Variants in COL12A1 observed in about 807,000 individuals in gnomAD.
COL12A1 encodes the protein collagen type XII alpha 1 chain, also known as collagen alpha-1(XII) chain.
A neutral mutation model predicts 349.7 loss-of-function variants in COL12A1; 114 were observed. The ratio of observed to expected loss-of-function variants is 0.33; its 90% CI spans 0.28 to 0.38. The LOEUF (loss-of-function observed/expected upper bound fraction) is 0.38, where lower values mean the gene tolerates loss of function less well. Ranked by LOEUF, COL12A1 falls within the 10% of genes least tolerant of loss-of-function variation. The pLI is 1.00. For synonymous variants in COL12A1, 1,369 were observed against 1,329.0 expected, an observed-to-expected ratio of 1.03 and a Z score of -0.66; for missense variants, 3,284 against 3,756.9, an observed-to-expected ratio of 0.87 and a Z score of 3.29.
intron 58 of COL12A1, among the ~76,000 whole-genome samples, chr6:75,097,712 A>T (rs977273356): frequency 2.6e-5 from 4 of 152,210 alleles, no homozygotes; most frequent in Admixed American, 6.5e-5. Flanking sequence ...CTGGCCCAGG[A>T]AGGATGCAGG....
At chr6:75,189,497 T>A in intron 6 of COL12A1, 55 bp downstream of exon 6, 2 of 1,583,898 alleles carry the variant, frequency 1.3e-6, no homozygotes, top group Non-Finnish European at 1.7e-6. Context: ...CATCATTTCT[T>A]TCTGAAACAG....
At chr6:75,171,065 T>C (rs554345650) in intron 13 of COL12A1, among the ~76,000 whole-genome samples, 1 of 152,358 alleles carries the variant, frequency 6.6e-6, no homozygotes, top group African/African-American at 2.4e-5. Flanking sequence ...TGAATTAAAA[T>C]GGGCAGTATT....
intron 5 of COL12A1, 78 bp from the exon 6 acceptor site, chr6:75,189,893 T>C: frequency 6.7e-7 from 1 of 1,497,826 alleles, no homozygotes; most frequent in Non-Finnish European, 9.1e-7. Flanking sequence ...TGCAAAAATG[T>C]TGGCTCCTTA....
rs1221480050 is a variant in COL12A1 at position 75,115,814 on chromosome 6, T to C, written c.7667A>G (p.Gln2556Arg). 6.2e-7 allele frequency: 1 copy of C among 1,613,124 alleles called. No individual in the cohort carries two copies. Among genetic ancestry groups the C allele is most frequent in the South Asian group, 1.1e-5 (1 of 90,938 alleles). The part of the protein sequence containing the change: ...SFPSYSAYRI[Q>R]KNAFVNQPTA... ...AGGCTGATTCACAAACGCATTCTTC[T>C]GAATCCTGTATGCTGAGTAGCTGGG... Residue 2556 changes from glutamine to arginine, a missense_variant, in exon 49 of 66, where the codon CAG becomes CGG. Physicochemically the swap from Gln to Arg is conservative, Grantham distance 43. Around this residue, in one of 2 missense-constraint regions of COL12A1, gnomAD observed 683 missense variants for 932.1 expected, o/e 0.73. Coordinates refer to ENST00000322507, the MANE Select transcript of COL12A1 (RefSeq NM_004370.6).
At chr6:75,110,828 A>G (rs1022159209) in intron 51 of COL12A1, among the ~76,000 whole-genome samples, 8 of 152,140 alleles carry the variant, frequency 5.3e-5, no homozygotes, top group Non-Finnish European at 8.8e-5. Context: ...GAAAAACTTC[A>G]ATTCAGGAAT....
intron 59 of COL12A1, 104 bp from the exon 60 acceptor site, chr6:75,095,283 A>C: frequency 1.2e-6 from 1 of 812,036 alleles, no homozygotes; most frequent in Non-Finnish European, 2.0e-6. Context: ...GAAACAACTC[A>C]TAATTACACA....
Position 75,165,490 on chromosome 6 carries a change from C to T in COL12A1, c.2983+17G>A, listed in dbSNP as rs753711533. On this transcript the variant is annotated intron_variant, in intron 14 of 65. Transcript: ENST00000322507. Reference sequence around the variant, plus strand: ...TAGCACCGGCACACACCCAAACACACCCATAATGTTACCTACATTCAGTTG... The same window carrying T: ...TAGCACCGGCACACACCCAAACACATCCATAATGTTACCTACATTCAGTTG... The T allele has an allele frequency of 1.8e-5, 29 of 1,610,724 alleles. No individual in the cohort carries two copies. Among genetic ancestry groups the T allele is most frequent in the Admixed American group, 3.3e-5 (2 of 59,956 alleles).
At chr6:75,115,960 T>A in intron 48 of COL12A1, 38 bp from the exon 49 acceptor site, 1 of 1,612,432 alleles carries the variant, frequency 6.2e-7, no homozygotes, top group African/African-American at 1.3e-5. Context: ...CGGAGTACAT[T>A]TTAATTATTT....
At chr6:75,089,565 T>C (rs1767659829) in intron 63 of COL12A1, among the ~76,000 whole-genome samples, 1 of 152,174 alleles carries the variant, frequency 6.6e-6, no homozygotes. Context: ...AATATGTAGG[T>C]TTTCTCTAGA....
Position 75,165,545 on chromosome 6 carries a change from C to T in COL12A1, c.2945G>A (p.Gly982Glu). The change falls in exon 14 of 66, where the codon GGA (glycine) becomes GAA (glutamate). Residue 982 changes from glycine to glutamate, a missense_variant. Transcript: ENST00000322507. ...RISVFATYSS[G>E]EGEPLTGDAT... ...ATCTCCAGTCAAAGGTTCTCCTTCTCCACTGCTGTAAGTGGCAAATACTGA... is the reference window on the plus strand; with the variant it reads ...ATCTCCAGTCAAAGGTTCTCCTTCTTCACTGCTGTAAGTGGCAAATACTGA... 6.2e-7 allele frequency: 1 copy of T among 1,613,894 alleles called. No homozygotes were observed. Among genetic ancestry groups the T allele is most frequent in the Non-Finnish European group, 8.5e-7 (1 of 1,179,876 alleles).
intron 21 of COL12A1, among the ~76,000 whole-genome samples, chr6:75,148,821 C>T (rs1197449685): frequency 6.6e-6 from 1 of 152,126 alleles, no homozygotes; most frequent in Non-Finnish European, 1.5e-5. Context: ...TTTGCTGTGT[C>T]CCCACCTGAA....
Position 75,148,404 on chromosome 6 carries a change from C to A in COL12A1, c.4241G>T (p.Arg1414Leu). Residue 1414 changes from arginine to leucine, a missense_variant, in exon 22 of 66, where the codon CGA (arginine) becomes CTA (leucine). Coordinates refer to ENST00000322507, the MANE Select transcript of COL12A1 (RefSeq NM_004370.6). ...SWTPPSDSVD[R>L]YKVEYYPVSG... ...AACTGGATAGTATTCCACCTTATAT[C>A]GATCCACACTGTCAGAAGGTGGTGT... is the stretch of plus-strand genomic sequence containing the variant. 6.2e-7 allele frequency: 1 copy of A among 1,612,442 alleles called. No homozygotes were observed. Among genetic ancestry groups the A allele is most frequent in the Non-Finnish European group, 8.5e-7 (1 of 1,179,158 alleles).
At chr6:75,116,546 C>T (rs144164825) in intron 47 of COL12A1, among the ~76,000 whole-genome samples, 25 of 152,170 alleles carry the variant, frequency 1.6e-4, no homozygotes, top group Non-Finnish European at 2.4e-4. Context: ...TGGCTGCATC[C>T]AGGACTACTT....
intron 58 of COL12A1, among the ~76,000 whole-genome samples, chr6:75,098,446 G>C (rs1030339169): frequency 6.6e-6 from 1 of 152,172 alleles, no homozygotes; most frequent in Non-Finnish European, 1.5e-5. Context: ...TTAAGCCCAG[G>C]AGTTCAAGAC....
chr6:75,121,161 A>C (rs1414654768), intron 44 of COL12A1, 141 bp downstream of exon 44: 1 of 727,056 alleles, frequency 1.4e-6, no homozygotes, highest in South Asian at 4.5e-5. Context: ...TTCCCTCCCA[A>C]AAATACATGA....
At chr6:75,115,754 A>T (rs1256994386) in intron 49 of COL12A1, 30 bp downstream of exon 49, 1 of 1,569,232 alleles carries the variant, frequency 6.4e-7, no homozygotes, top group South Asian at 1.2e-5. Flanking sequence ...AGGTCTTAAG[A>T]AAAGGAAAAC....
In COL12A1 at chr6:75,177,718, A is replaced by T; in HGVS notation, c.2382T>A (p.Pro794=). The change falls in exon 12 of 66, where the codon CCT becomes CCA. Residue 794 remains proline (P), a synonymous_variant. Coordinates refer to ENST00000322507, the MANE Select transcript of COL12A1 (RefSeq NM_004370.6). Reference sequence around the variant, plus strand: ...GAGTACCAGGTCCTGAGAAATATTCAGGAATTACAGATACTTCATATTTCG... The same window carrying T: ...GAGTACCAGGTCCTGAGAAATATTCTGGAATTACAGATACTTCATATTTCG... ...PDTKYEVSVI[P]EYFSGPGTPL... is the part of the protein sequence containing the mutation. The T allele has an allele frequency of 1.9e-6, 3 of 1,614,140 alleles. No individual in the cohort carries two copies. The highest frequency in any genetic ancestry group is 2.5e-6 in the Non-Finnish European group (3 of 1,180,012).
intron 2 of COL12A1, among the ~76,000 whole-genome samples, chr6:75,199,724 T>C (rs1449921992): frequency 6.6e-6 from 1 of 152,180 alleles, no homozygotes; most frequent in Non-Finnish European, 1.5e-5. Context: ...ATGCGGTTGA[T>C]AAAGTCTCTG....
chr6:75,188,232 AC>A, intron 8 of COL12A1, 129 bp downstream of exon 8: 1 of 954,300 alleles, frequency 1.0e-6, no homozygotes. Context: ...AAAAAACAAT[AC>A]AGTGGAGTAT....
Sources: allele counts gnomAD v4.1 joint callset (sites outside exome capture counted in the v4.1 genomes callset), GRCh38; gene constraint gnomAD v4.1.1; regional missense constraint gnomAD v4.1.1; transcripts MANE v1.5; gene names NCBI Gene and HGNC (gene_info 2026-07-23, HGNC 2026-07-21).